Variants in MAGI3 observed in about 807,000 individuals in gnomAD.
The protein encoded by MAGI3 is membrane associated guanylate kinase, WW and PDZ domain containing 3.
In MAGI3, 43 loss-of-function variants were observed where a neutral mutation model predicts 121.8. That is an observed-to-expected ratio of 0.35 (90% confidence interval 0.28 to 0.46). The LOEUF (loss-of-function observed/expected upper bound fraction) is 0.46. Among genes scored for constraint, MAGI3 ranks in the 20% least tolerant of loss-of-function variants. MAGI3 has a pLI of 1.00. For synonymous variants in MAGI3, 553 were observed against 639.3 expected (o/e 0.86, Z 2.04); for missense variants, 1,547 against 1,797.3 (o/e 0.86, Z 2.52).
intron 2 of MAGI3, among the ~76,000 whole-genome samples, chr1:113,568,312 G>A (rs1351083443): frequency 1.3e-5 from 2 of 151,948 alleles, no homozygotes; most frequent in South Asian, 2.1e-4. Flanking sequence ...CTAATGAAAC[G>A]TAAGTCCTCT....
At chr1:113,405,330 G>A (rs1651615560) in intron 1 of MAGI3, among the ~76,000 whole-genome samples, 2 of 151,654 alleles carry the variant, frequency 1.3e-5, no homozygotes, top group South Asian at 2.1e-4. Flanking sequence ...ACAATAAAAG[G>A]TAACTGGGCA....
chr1:113,592,916 G>A (rs1648774637), intron 5 of MAGI3, among the ~76,000 whole-genome samples: 1 of 152,152 alleles, frequency 6.6e-6, no homozygotes, highest in African/African-American at 2.4e-5. Context: ...GGAGGCTGAG[G>A]CAGGAAAATG....
intron 1 of MAGI3, among the ~76,000 whole-genome samples, chr1:113,433,046 GTTA>G (rs1273655438): frequency 1.3e-5 from 2 of 152,096 alleles, no homozygotes; most frequent in Non-Finnish European, 2.9e-5. Flanking sequence ...CATTATTATT[GTTA>G]TTATTCTGAT....
intron 4 of MAGI3, among the ~76,000 whole-genome samples, chr1:113,586,850 T>C (rs1021729042): frequency 2.0e-5 from 3 of 152,188 alleles, no homozygotes; most frequent in African/African-American, 7.2e-5. Context: ...TGCAGTTCTT[T>C]TAGCGGTAAA....
intron 15 of MAGI3, 50 bp from the exon 16 acceptor site, chr1:113,659,030 C>T: frequency 1.4e-6 from 2 of 1,401,306 alleles, no homozygotes; most frequent in Non-Finnish European, 9.8e-7. Flanking sequence ...AAATCTAACA[C>T]TAGCAGAAAT....
intron 16 of MAGI3, among the ~76,000 whole-genome samples, chr1:113,667,883 T>C (rs1281290806): frequency 3.9e-5 from 6 of 152,140 alleles, no homozygotes; most frequent in African/African-American, 1.2e-4. Context: ...GGGAGAAAGA[T>C]GGGGAAAGGC....
chr1:113,396,534 G>A (rs943164746), intron 1 of MAGI3, among the ~76,000 whole-genome samples: 6 of 149,698 alleles, frequency 4.0e-5, no homozygotes, highest in African/African-American at 1.5e-4. Context: ...AGGGAAAGAG[G>A]CAAATCCATT....
At chr1:113,592,492 G>C (rs1172817149) in intron 5 of MAGI3, among the ~76,000 whole-genome samples, 1 of 151,976 alleles carries the variant, frequency 6.6e-6, no homozygotes, top group African/African-American at 2.4e-5. Flanking sequence ...TTTTTAGTTG[G>C]GTTTAGCAAG....
chr1:113,412,539 T>C (rs1652057500), intron 1 of MAGI3, among the ~76,000 whole-genome samples: 1 of 152,088 alleles, frequency 6.6e-6, no homozygotes, highest in African/African-American at 2.4e-5. Flanking sequence ...CACCTGTTGT[T>C]TCCTGCCTTT....
intron 1 of MAGI3, among the ~76,000 whole-genome samples, chr1:113,523,916 G>A (rs543238906): frequency 2.6e-4 from 39 of 152,214 alleles, no homozygotes; most frequent in African/African-American, 9.1e-4. Flanking sequence ...GGAGACCGAG[G>A]AGGAAAAAAT....
intron 2 of MAGI3, among the ~76,000 whole-genome samples, chr1:113,579,700 G>C (rs1647884850): frequency 6.6e-6 from 1 of 152,076 alleles, no homozygotes; most frequent in Admixed American, 6.6e-5. Flanking sequence ...AGTGATTATG[G>C]GAATGAAAAG....
At chr1:113,411,472 G>C (rs1158081586) in intron 1 of MAGI3, among the ~76,000 whole-genome samples, 1 of 151,674 alleles carries the variant, frequency 6.6e-6, no homozygotes, top group Non-Finnish European at 1.5e-5. Context: ...GGTGAATATA[G>C]GTAGATTTTC....
chr1:113,432,714 A>T (rs1340103516), intron 1 of MAGI3, among the ~76,000 whole-genome samples: 1 of 152,072 alleles, frequency 6.6e-6, no homozygotes, highest in East Asian at 1.9e-4. Flanking sequence ...AGAGTTATTT[A>T]TCAGGAGACA....
intron 15 of MAGI3, 26 bp downstream of exon 15, chr1:113,654,044 T>C (rs778738894): frequency 1.9e-6 from 3 of 1,562,082 alleles, no homozygotes; most frequent in Non-Finnish European, 2.6e-6. Flanking sequence ...TCTTATTGTC[T>C]CTCCCTGCAA....
chr1:113,654,400 GAGA>G (rs575405868), intron 15 of MAGI3, among the ~76,000 whole-genome samples: 27 of 152,232 alleles, frequency 1.8e-4, no homozygotes, highest in African/African-American at 6.5e-4. Context: ...AGAAGCAATT[GAGA>G]AGAAGCAAAG....
chr1:113,609,476 CAAATA>C (rs146975060), intron 6 of MAGI3, among the ~76,000 whole-genome samples: 2,465 of 152,214 alleles, frequency 0.016, 72 homozygotes, highest in African/African-American at 0.056. Flanking sequence ...ATCTTCTATT[CAAATA>C]AAATAGTGTT....
intron 1 of MAGI3, among the ~76,000 whole-genome samples, chr1:113,421,447 G>A (rs937844375): frequency 7.9e-5 from 12 of 152,276 alleles, no homozygotes; most frequent in South Asian, 4.1e-4. Flanking sequence ...GACCTAATTC[G>A]TTAGTTTCCT....
chr1:113,636,205 G>A (rs1245726739), intron 9 of MAGI3, among the ~76,000 whole-genome samples: 1 of 151,954 alleles, frequency 6.6e-6, no homozygotes, highest in East Asian at 1.9e-4. Flanking sequence ...TTTTTTGAAG[G>A]GTTTTTTGTG....
At chr1:113,560,434 AAAAG>A (rs1273026079) in intron 2 of MAGI3, among the ~76,000 whole-genome samples, 9 of 152,100 alleles carry the variant, frequency 5.9e-5, no homozygotes, top group East Asian at 3.9e-4. Flanking sequence ...ATAAAACAAA[AAAAG>A]AAAAAAGGAA....
Sources: gnomAD v4.1 joint callset for allele counts (sites outside exome capture counted in the v4.1 genomes callset) on GRCh38, gnomAD v4.1.1 for gene constraint, MANE v1.5 for transcripts, NCBI Gene and HGNC (gene_info 2026-07-23, HGNC 2026-07-21) for gene names.